The following C10orf67 variants were observed in gnomAD, a reference collection of about 807,000 sequenced individuals.
The protein encoded by C10orf67 is uncharacterized protein C10orf67, mitochondrial.
Under a neutral mutation model 35.6 loss-of-function variants are expected in C10orf67, and 60 were observed. The ratio of observed to expected loss-of-function variants is 1.68; its 90% CI spans 1.37 to 2.09. C10orf67 has a LOEUF of 2.09. Among genes scored for constraint, C10orf67 ranks in the 30% most tolerant of loss-of-function variants. C10orf67 has a pLI of 0.00. For missense variants in C10orf67, 474 were observed against 330.2 expected (o/e 1.44, Z -3.38); for synonymous variants, 167 against 115.8 (o/e 1.44, Z -2.84).
intron 5 of C10orf67, among the ~76,000 whole-genome samples, chr10:23,302,701 CA>C (rs1409670323): frequency 3.3e-5 from 5 of 152,170 alleles, no homozygotes; most frequent in Non-Finnish European, 7.3e-5. Flanking sequence ...CCACATTTTC[CA>C]AAGCCCTTAA....
At chr10:23,326,258 A>G (rs1213951621) in intron 2 of C10orf67, among the ~76,000 whole-genome samples, 1 of 152,166 alleles carries the variant, frequency 6.6e-6, no homozygotes, top group Non-Finnish European at 1.5e-5. Context: ...GTTGAAAACC[A>G]AAGATTAAAA....
At chr10:23,249,009 A>T (rs2132154873) in intron 12 of C10orf67, among the ~76,000 whole-genome samples, 1 of 151,838 alleles carries the variant, frequency 6.6e-6, no homozygotes, top group South Asian at 2.1e-4. Context: ...GGGCGCCTGT[A>T]ATCCCAGCTA....
At chr10:23,262,594 C>T (rs1003701640) in intron 10 of C10orf67, among the ~76,000 whole-genome samples, 1 of 152,196 alleles carries the variant, frequency 6.6e-6, no homozygotes, top group African/African-American at 2.4e-5. Context: ...GTGAGCTCCA[C>T]AAATAAAATG....
At chr10:23,333,729 T>A (rs1411600166) in intron 1 of C10orf67, among the ~76,000 whole-genome samples, 2 of 152,224 alleles carry the variant, frequency 1.3e-5, no homozygotes, top group Non-Finnish European at 2.9e-5. Flanking sequence ...AGAATTCAGC[T>A]CTCTTCCATT....
At chr10:23,344,341 G>C (rs1188524900) in intron 1 of C10orf67, 2 of 582,136 alleles carry the variant, frequency 3.4e-6, no homozygotes, top group Non-Finnish European at 6.1e-6. Context: ...CGCGCGGGAG[G>C]AGGGGAGTGG....
intron 12 of C10orf67, among the ~76,000 whole-genome samples, chr10:23,242,598 A>G (rs1203451043): frequency 6.6e-6 from 1 of 152,200 alleles, no homozygotes; most frequent in Non-Finnish European, 1.5e-5. Context: ...AAAAACAGAG[A>G]GAATTAAAAT....
At chr10:23,319,009 A>G in intron 4 of C10orf67, 1 of 711,890 alleles carries the variant, frequency 1.4e-6, no homozygotes, top group Admixed American at 2.0e-5. Flanking sequence ...TTTTCTTTCC[A>G]ATTTTTGTTT....
chr10:23,296,770 C>T (rs1283176809), intron 5 of C10orf67, among the ~76,000 whole-genome samples: 3 of 152,124 alleles, frequency 2.0e-5, no homozygotes, highest in Non-Finnish European at 4.4e-5. Context: ...AGTTTTACAG[C>T]TTTGATTCTG....
chr10:23,275,607 G>GCA (rs1012828619), intron 8 of C10orf67, among the ~76,000 whole-genome samples: 5 of 151,544 alleles, frequency 3.3e-5, no homozygotes, highest in Non-Finnish European at 7.4e-5. Context: ...ACATGCACAC[G>GCA]CACACACACA....
intron 10 of C10orf67, among the ~76,000 whole-genome samples, chr10:23,264,526 A>C (rs140106159): frequency 6.6e-6 from 1 of 152,286 alleles, no homozygotes; most frequent in Non-Finnish European, 1.5e-5. Flanking sequence ...AGCCTGTTGA[A>C]ATGACACCTT....
At chr10:23,279,925 T>C (rs1210252951) in intron 8 of C10orf67, among the ~76,000 whole-genome samples, 1 of 152,172 alleles carries the variant, frequency 6.6e-6, no homozygotes, top group African/African-American at 2.4e-5. Context: ...ATCAGCTCAC[T>C]GCAGTGTCAA....
chr10:23,322,839 T>A (rs1490109203), intron 2 of C10orf67, among the ~76,000 whole-genome samples: 1 of 151,478 alleles, frequency 6.6e-6, no homozygotes, highest in African/African-American at 2.4e-5. Flanking sequence ...AAAGTTAAAA[T>A]ATATATATAT....
At chr10:23,312,499 C>A (rs1224289737) in intron 4 of C10orf67, among the ~76,000 whole-genome samples, 2 of 152,132 alleles carry the variant, frequency 1.3e-5, no homozygotes, top group African/African-American at 4.8e-5. Context: ...CTCCAAAAAG[C>A]CCTGGTTTCT....
Position 23,312,455 on chromosome 10 carries a change from A to C in C10orf67, c.546+8286T>G, listed in dbSNP as rs559975845. On this transcript the variant is annotated intron_variant, in intron 4 of 15. Transcript: ENST00000636213. ...GACAAATATTGCAGGTCCTTCTTCC[A>C]TTTTCCCTGTCCCTGCCCTGGAGTT... 2.6e-5 allele frequency among the ~76,000 whole-genome samples: 4 copies of C among 152,088 alleles called. No individual in the cohort carries two copies. The South Asian group carries it at 8.3e-4, about 32-fold the overall frequency.
At chr10:23,330,597 G>A (rs1374334259) in intron 2 of C10orf67, among the ~76,000 whole-genome samples, 9 of 151,876 alleles carry the variant, frequency 5.9e-5, no homozygotes, top group Admixed American at 5.2e-4. Flanking sequence ...AAAATTAGCC[G>A]GGCGTGGTGG....
intron 15 of C10orf67, among the ~76,000 whole-genome samples, chr10:23,218,250 C>T (rs1841481924): frequency 6.6e-6 from 1 of 152,118 alleles, no homozygotes; most frequent in African/African-American, 2.4e-5. Flanking sequence ...AGGTGATCTT[C>T]CCACCTCAGC....
intron 8 of C10orf67, among the ~76,000 whole-genome samples, chr10:23,272,112 T>G (rs1272889222): frequency 2.0e-5 from 3 of 152,204 alleles, no homozygotes; most frequent in African/African-American, 7.2e-5. Context: ...AGATGAAGTT[T>G]CATCATGTTG....
chr10:23,208,282 C>T (rs1434240191), intron 15 of C10orf67, among the ~76,000 whole-genome samples: 1 of 152,098 alleles, frequency 6.6e-6, no homozygotes, highest in Non-Finnish European at 1.5e-5. Context: ...CAGTTTCATG[C>T]GTGAATTTAT....
At position 23,322,513 on chromosome 10, in the gene C10orf67, A is replaced by C; in HGVS notation, c.352T>G (p.Phe118Val). 6.2e-7 allele frequency: 1 copy of C among 1,610,576 alleles called. No homozygotes were observed. Among genetic ancestry groups the C allele is most frequent in the Non-Finnish European group, 8.5e-7 (1 of 1,177,444 alleles). Residue 118 changes from phenylalanine (F) to valine (V), a missense_variant, in exon 3 of 16, where the codon TTT becomes GTT. By Grantham distance (50) the Phe-to-Val change is conservative. Transcript: ENST00000636213. ...TGAAGCAATTGTTTGAGGAACCCAAAATCTACCTGGAGGGATTTCATCATC... is the reference window on the plus strand; with the variant it reads ...TGAAGCAATTGTTTGAGGAACCCAACATCTACCTGGAGGGATTTCATCATC... ...AQMMKSLQVD[F>V]GFLKQLLQLK...
Sources: gnomAD v4.1 joint callset for allele counts (sites outside exome capture counted in the v4.1 genomes callset) on GRCh38, gnomAD v4.1.1 for gene constraint, MANE v1.5 for transcripts, NCBI Gene and HGNC (gene_info 2026-07-23, HGNC 2026-07-21) for gene names.